Variants in SEC23B observed in about 807,000 individuals in gnomAD.
The protein encoded by SEC23B is SEC23 homolog B, COPII component.
In SEC23B, 77 loss-of-function variants were observed where a neutral mutation model predicts 104.3. That is an observed-to-expected ratio of 0.74 (90% confidence interval 0.61 to 0.89). The LOEUF (loss-of-function observed/expected upper bound fraction) is 0.89, where lower values mean the gene tolerates loss of function less well. Ranked by LOEUF, SEC23B falls within the 40% of genes least tolerant of loss-of-function variation. The pLI is 0.00. For missense variants in SEC23B, 885 were observed against 949.4 expected, an observed-to-expected ratio of 0.93 and a Z score of 0.89; for synonymous variants, 338 against 332.5, an observed-to-expected ratio of 1.02 and a Z score of -0.18.
Position 18,545,559 on chromosome 20 carries a change from T to C in SEC23B, c.1666-397T>C, listed in dbSNP as rs931534030. On this transcript the variant is annotated intron_variant, in intron 14 of 19. Transcript: ENST00000650089. Reference sequence around the variant, plus strand: ...AACATTGTGGTTCAGAAGTCTGCCATTGGGAGAAATAAATTTGAGTTTTAG... The same window carrying C: ...AACATTGTGGTTCAGAAGTCTGCCACTGGGAGAAATAAATTTGAGTTTTAG... Among the ~76,000 whole-genome samples, 15 of 152,256 alleles carry C rather than the reference T, an allele frequency of 9.9e-5. No individual in the cohort carries two copies. The East Asian group carries it at 2.3e-3, about 23-fold the overall frequency.
intron 2 of SEC23B, 42 bp downstream of exon 2, chr20:18,511,098 A>G (rs1256465658): frequency 5.5e-6 from 8 of 1,457,026 alleles, no homozygotes; most frequent in Middle Eastern, 3.5e-4. Context: ...TAAATACAAT[A>G]TATTATGAAT....
intron 12 of SEC23B, among the ~76,000 whole-genome samples, chr20:18,541,229 A>G (rs2060285105): frequency 6.6e-6 from 1 of 152,244 alleles, no homozygotes; most frequent in Non-Finnish European, 1.5e-5. Flanking sequence ...GCTCTGGATT[A>G]GGCCCTGGCT....
At chr20:18,508,860 A>G (rs1257414293) in intron 1 of SEC23B, among the ~76,000 whole-genome samples, 7 of 151,552 alleles carry the variant, frequency 4.6e-5, no homozygotes, top group African/African-American at 1.2e-4. Context: ...AGCTGGGATT[A>G]CAGGCACCTG....
At chr20:18,535,523 C>A in intron 11 of SEC23B, 130 bp from the exon 12 acceptor site, 1 of 689,618 alleles carries the variant, frequency 1.5e-6, no homozygotes, top group Non-Finnish European at 2.6e-6. Context: ...GGTTTTATTT[C>A]AACTTAAATG....
rs990996348 is a variant in SEC23B at position 18,548,832 on chromosome 20, A to C, written c.1905+62A>C. The C allele has an allele frequency of 5.2e-6, 8 of 1,551,306 alleles. No individual in the cohort carries two copies. In the Admixed American group the frequency reaches 8.4e-5, roughly 16 times the overall value. Reference sequence around the variant, plus strand: ...ATCACCTAACATATATTCTTTTTTAAGCAAATTTACTTAGCAGAACTGTAA... The same window carrying C: ...ATCACCTAACATATATTCTTTTTTACGCAAATTTACTTAGCAGAACTGTAA... On this transcript the variant is annotated intron_variant, in intron 16 of 19. Transcript: ENST00000650089.
intron 3 of SEC23B, among the ~76,000 whole-genome samples, chr20:18,515,269 C>T (rs1027606547): frequency 6.6e-6 from 1 of 152,154 alleles, no homozygotes; most frequent in African/African-American, 2.4e-5. Context: ...TTTAACGTGT[C>T]CTGTATTTTG....
At chr20:18,551,915 C>T (rs1298761532) in intron 17 of SEC23B, among the ~76,000 whole-genome samples, 2 of 152,012 alleles carry the variant, frequency 1.3e-5, no homozygotes, top group Non-Finnish European at 2.9e-5. Context: ...TAAGGTTGTA[C>T]TTTGATGAAA....
In SEC23B at chr20:18,520,770, G is replaced by A. The variant is rs569049036; in HGVS notation, c.367-3663G>A. Among the ~76,000 whole-genome samples the A allele has an allele frequency of 3.9e-5, 6 of 152,040 alleles. No homozygotes were observed. The South Asian group carries it at 8.3e-4, about 21-fold the overall frequency. ...TAGCCTCTGTACTGATTAAGAAGGC[G>A]ACGGACTTACTCTCCACTGTAAGAG... On this transcript the variant is annotated intron_variant, in intron 4 of 19. Transcript: ENST00000650089.
intron 4 of SEC23B, among the ~76,000 whole-genome samples, chr20:18,516,431 G>A (rs1432307070): frequency 1.3e-5 from 2 of 151,578 alleles, no homozygotes; most frequent in African/African-American, 4.8e-5. Context: ...AAACTTGTCT[G>A]TCTTTATGCC....
At position 18,560,717 on chromosome 20, in the gene SEC23B, C is replaced by A. The variant is rs2060485102; in HGVS notation, c.2281C>A (p.Leu761Met). ...LQVFMDHLKKLAVSSAC is the reference protein window; with the variant it reads ...LQVFMDHLKKMAVSSAC ...GGTGTTCATGGACCATTTGAAGAAG[C>A]TGGCTGTCTCCAGTGCCTGTTAAGC... The change falls in exon 20 of 20, where the codon CTG (leucine) becomes ATG (methionine). Residue 761 changes from leucine to methionine, a missense_variant. By Grantham distance (15) the Leu-to-Met change is conservative (BLOSUM62 2). Coordinates refer to ENST00000650089, the MANE Select transcript of SEC23B (RefSeq NM_006363.6). The A allele has an allele frequency of 1.2e-6, 2 of 1,613,830 alleles. No homozygotes were observed. Among genetic ancestry groups the A allele is most frequent in the Non-Finnish European group, 1.7e-6 (2 of 1,179,828 alleles).
chr20:18,525,889 G>C lies in SEC23B; in HGVS notation c.791G>C (p.Arg264Pro). 6.2e-7 allele frequency: 1 copy of C among 1,614,182 alleles called. No individual in the cohort carries two copies. The highest frequency in any genetic ancestry group is 8.5e-7 in the Non-Finnish European group (1 of 1,180,042). Residue 264 changes from arginine (R) to proline (P), a missense_variant, in exon 7 of 20, where the codon CGA (arginine) becomes CCA (proline). By Grantham distance (103) the Arg-to-Pro change is moderately radical (BLOSUM62 -2). Coordinates refer to ENST00000650089, the MANE Select transcript of SEC23B (RefSeq NM_006363.6). The stretch of plus-strand genomic sequence containing the variant: ...GTAACTCAGGGGAAGAGACCTTTGC[G>C]ATCCACTGGTGTGGCTTTGTCCATT... ...WPVTQGKRPL[R>P]STGVALSIAV...
At chr20:18,512,131 G>A in intron 2 of SEC23B, 94 bp from the exon 3 acceptor site, 1 of 788,020 alleles carries the variant, frequency 1.3e-6, no homozygotes, top group Admixed American at 2.6e-5. Flanking sequence ...TACTGAACTT[G>A]AAATTTACAA....
At position 18,516,127 on chromosome 20, in the gene SEC23B, C is replaced by G. The variant is rs2060022315; in HGVS notation, c.366+391C>G. ...TTTATCCAGAATCCACCCACTTCCC[C>G]CTCCCTACTACCAGCTGCCCTGGGC... is the stretch of plus-strand genomic sequence containing the variant. On this transcript the variant is annotated intron_variant, in intron 4 of 19. Transcript: ENST00000650089. 3.4e-5 allele frequency: 8 copies of G among 237,934 alleles called. No homozygotes were observed. In the Admixed American group the frequency reaches 4.2e-4, roughly 12 times the overall value. 14.7% of individuals were successfully genotyped at this position (237,934 alleles called of 1,614,324 possible). A position where few individuals can be genotyped will look rare whatever the true frequency, so the allele number is the denominator to read the frequency against.
chr20:18,549,211 A>C (rs6136407), intron 16 of SEC23B, among the ~76,000 whole-genome samples: 49,485 of 152,002 alleles, frequency 0.33, 8,466 homozygotes, highest in Non-Finnish European at 0.39. Flanking sequence ...CTCAGTATTC[A>C]TGGAAGATTG....
chr20:18,515,858 A>C, intron 4 of SEC23B, 122 bp downstream of exon 4: 1 of 719,550 alleles, frequency 1.4e-6, no homozygotes. Context: ...GCAGGATCCT[A>C]ACCTTTAGGT....
intron 4 of SEC23B, among the ~76,000 whole-genome samples, chr20:18,523,401 T>C (rs1003428481): frequency 1.4e-5 from 2 of 148,028 alleles, no homozygotes; most frequent in African/African-American, 4.9e-5. Context: ...TCCTTTCTTT[T>C]TTTTTTTTTT....
intron 15 of SEC23B, among the ~76,000 whole-genome samples, chr20:18,547,497 G>A (rs545054875): frequency 1.3e-5 from 2 of 152,188 alleles, no homozygotes; most frequent in Admixed American, 1.3e-4. Flanking sequence ...CTGAAAGTCT[G>A]CCCCCACCCC....
chr20:18,527,821 G>C (rs1182771664), intron 9 of SEC23B, among the ~76,000 whole-genome samples: 1 of 152,212 alleles, frequency 6.6e-6, no homozygotes, highest in South Asian at 2.1e-4. Context: ...CTACAAATAA[G>C]TCGTTTCAGA....
chr20:18,544,266 C>A (rs921780336), intron 14 of SEC23B, among the ~76,000 whole-genome samples: 1 of 151,734 alleles, frequency 6.6e-6, no homozygotes, highest in Non-Finnish European at 1.5e-5. Flanking sequence ...TTTTGTTCAG[C>A]CCTCTATTTG....
Sources: allele counts gnomAD v4.1 joint callset (sites outside exome capture counted in the v4.1 genomes callset), GRCh38; gene constraint gnomAD v4.1.1; transcripts MANE v1.5; gene names NCBI Gene and HGNC (gene_info 2026-07-23, HGNC 2026-07-21).